The following ONECUT1 variants were observed in gnomAD, a reference collection of about 807,000 sequenced individuals.
ONECUT1 encodes one cut homeobox 1.
In ONECUT1, 12 loss-of-function variants were observed where a neutral mutation model predicts 25.6. That is an observed-to-expected ratio of 0.47 (90% CI 0.30 to 0.76). The LOEUF is 0.76. Among genes scored for constraint, ONECUT1 ranks in the 30% least tolerant of loss-of-function variants. The pLI, the probability that ONECUT1 is intolerant of heterozygous loss-of-function variation, is 0.07. For missense variants in ONECUT1, 620 were observed against 651.2 expected (o/e 0.95, Z 0.52); for synonymous variants, 285 against 270.2 (o/e 1.05, Z -0.54).
At chr15:52,773,931 T>C (rs534574464) in intron 1 of ONECUT1, among the ~76,000 whole-genome samples, 39 of 152,352 alleles carry the variant, frequency 2.6e-4, no homozygotes, top group African/African-American at 8.7e-4. Flanking sequence ...ATATGTTGAA[T>C]AAATGAATGC....
intron 1 of ONECUT1, among the ~76,000 whole-genome samples, chr15:52,763,303 G>A (rs1208776591): frequency 6.6e-6 from 1 of 152,140 alleles, no homozygotes; most frequent in Non-Finnish European, 1.5e-5. Flanking sequence ...TGAGTACCAT[G>A]GAGGAGGTAG....
chr15:52,782,722 G>A (rs2083849216), intron 1 of ONECUT1, among the ~76,000 whole-genome samples: 1 of 152,170 alleles, frequency 6.6e-6, no homozygotes. Context: ...ATTTTACCAA[G>A]AGTGTGGAAA....
intron 1 of ONECUT1, among the ~76,000 whole-genome samples, chr15:52,783,621 C>T (rs1366877703): frequency 6.6e-6 from 1 of 152,210 alleles, no homozygotes; most frequent in East Asian, 1.9e-4. Flanking sequence ...GGGCTGCCTC[C>T]TGACTCCGGT....
intron 1 of ONECUT1, among the ~76,000 whole-genome samples, chr15:52,772,319 G>A (rs1475650456): frequency 2.6e-5 from 4 of 151,632 alleles, no homozygotes; most frequent in Non-Finnish European, 4.4e-5. Flanking sequence ...GCTTGAACCC[G>A]GGATGCAGAG....
chr15:52,773,480 T>A (rs1426091380), intron 1 of ONECUT1, among the ~76,000 whole-genome samples: 1 of 152,114 alleles, frequency 6.6e-6, no homozygotes, highest in Non-Finnish European at 1.5e-5. Context: ...CATATTTGTA[T>A]GTGTGTGTAA....
intron 1 of ONECUT1, among the ~76,000 whole-genome samples, chr15:52,783,721 G>A (rs1440356658): frequency 6.6e-6 from 1 of 152,214 alleles, no homozygotes; most frequent in African/African-American, 2.4e-5. Flanking sequence ...ACTTCGGACC[G>A]CCAGGGTCAC....
rs1263748689 is a variant in ONECUT1, at chr15:52,767,812, G to A, written c.1106-9965C>T. ...CTAAGTGTCCATCAACAGGTGAACG[G>A]ATAAAGAAAATGTGGTAGATATACA... On this transcript the variant is annotated intron_variant, in intron 1 of 1. Coordinates refer to ENST00000305901, the MANE Select transcript of ONECUT1 (RefSeq NM_004498.4). Among the ~76,000 whole-genome samples the A allele has an allele frequency of 2.6e-5, 4 of 152,112 alleles. No homozygotes were observed. In the East Asian group the frequency reaches 7.7e-4, roughly 29 times the overall value.
At position 52,755,366 on chromosome 15, in the gene ONECUT1, C is replaced by T. The variant is rs77404602; in HGVS notation, c.*2189G>A. Among the ~76,000 whole-genome samples, 4 of 152,276 alleles carry T rather than the reference C, an allele frequency of 2.6e-5. No individual in the cohort carries two copies. The East Asian group carries it at 7.7e-4, about 29-fold the overall frequency. ...CTTGAAGGGTGGCCATTTAAATGGTCTCTTTCAATAGCTGAACTATAATTG... is the reference window on the plus strand; with the variant it reads ...CTTGAAGGGTGGCCATTTAAATGGTTTCTTTCAATAGCTGAACTATAATTG... On this transcript the variant is annotated 3_prime_UTR_variant, in exon 2 of 2. Coordinates refer to ENST00000305901, the MANE Select transcript of ONECUT1 (RefSeq NM_004498.4).
chr15:52,763,853 T>A (rs911100930), intron 1 of ONECUT1, among the ~76,000 whole-genome samples: 4 of 152,220 alleles, frequency 2.6e-5, no homozygotes, highest in Non-Finnish European at 5.9e-5. Flanking sequence ...AGTTTGACAT[T>A]GCTGCAACAT....
Position 52,789,859 on chromosome 15 carries a change from G to T in ONECUT1, c.26C>A (p.Ala9Glu), listed in dbSNP as rs2083908173. MNAQLTME[A>E]IGELHGVSHE... ...GCTCACCCCGTGCAGCTCGCCGATC[G>T]CTTCCATGGTCAGCTGCGCGTTCAT... is the stretch of plus-strand genomic sequence containing the variant. The change falls in exon 1 of 2, where the codon GCG becomes GAG. Residue 9 changes from alanine (A) to glutamate (E), a missense_variant. Around this residue, in one of 4 missense-constraint regions of ONECUT1, gnomAD observed 440 missense variants for 404.9 expected, o/e 1.09. Coordinates refer to ENST00000305901, the MANE Select transcript of ONECUT1 (RefSeq NM_004498.4). The surrounding 1 kb of genome is among the most constrained non-coding windows in gnomAD (Gnocchi z 4.1). The T allele has an allele frequency of 1.3e-6, 2 of 1,542,354 alleles. No homozygotes were observed. Among genetic ancestry groups the T allele is most frequent in the African/African-American group, 2.8e-5 (2 of 70,280 alleles).
chr15:52,765,070 T>C (rs992595782), intron 1 of ONECUT1, among the ~76,000 whole-genome samples: 1 of 152,180 alleles, frequency 6.6e-6, no homozygotes, highest in Non-Finnish European at 1.5e-5. Context: ...TCAGGAGAGC[T>C]TGGGGCTTCA....
At chr15:52,783,800 T>C (rs1312826770) in intron 1 of ONECUT1, among the ~76,000 whole-genome samples, 1 of 152,214 alleles carries the variant, frequency 6.6e-6, no homozygotes, top group Non-Finnish European at 1.5e-5. Context: ...GGATACAAAA[T>C]CCAAGTACGC....
rs370525442 is a variant in ONECUT1 at position 52,788,537 on chromosome 15, A to T, written c.1105+243T>A. ...TCCCTGAGCGCAAATGAGCCTCTTC[A>T]GTCGCCGAGGCCCGGCCGCTTAGCT... On this transcript the variant is annotated intron_variant, in intron 1 of 1. Transcript: ENST00000305901. This position sits in a 1 kb window ranked among gnomAD's most constrained non-coding sequence, Gnocchi z 4.3. 127 of 490,422 alleles carry T rather than the reference A, an allele frequency of 2.6e-4. No homozygotes were observed. In the East Asian group the frequency reaches 2.8e-3, roughly 11 times the overall value. The allele number at this position is 490,422 out of a possible 1,614,324, so 30.4% of individuals were successfully genotyped here.
At chr15:52,761,233 ACTC>A (rs1409615119) in intron 1 of ONECUT1, among the ~76,000 whole-genome samples, 2 of 151,260 alleles carry the variant, frequency 1.3e-5, no homozygotes, top group African/African-American at 4.9e-5. Context: ...TTGTTGTTCA[ACTC>A]CTCCTTCTGT....
At chr15:52,773,704 A>T (rs2141455018) in intron 1 of ONECUT1, among the ~76,000 whole-genome samples, 1 of 152,280 alleles carries the variant, frequency 6.6e-6, no homozygotes, top group Admixed American at 6.5e-5. Flanking sequence ...TGATGCCAGA[A>T]AGTTAAAAAA....
At position 52,757,728 on chromosome 15, in the gene ONECUT1, G is replaced by A. The variant is rs776002886; in HGVS notation, c.1225C>T (p.Arg409Cys). The part of the protein sequence containing the change: ...TLHAIFKENK[R>C]PSKELQITIS... ...GTGATTTGCAATTCTTTGGATGGAC[G>A]CTTATTTTCCTTGAATATTGCATGT... is the stretch of plus-strand genomic sequence containing the variant. Residue 409 changes from arginine (R) to cysteine (C), a missense_variant, in exon 2 of 2, where the codon CGT becomes TGT. Transcript: ENST00000305901. The A allele has an allele frequency of 3.7e-6, 6 of 1,614,154 alleles. No individual in the cohort carries two copies. The highest frequency in any genetic ancestry group is 4.2e-6 in the Non-Finnish European group (5 of 1,180,014).
chr15:52,763,798 G>A (rs1476123213), intron 1 of ONECUT1, among the ~76,000 whole-genome samples: 2 of 152,176 alleles, frequency 1.3e-5, no homozygotes, highest in East Asian at 1.9e-4. Flanking sequence ...CTGCAACGAG[G>A]TCAGTAAAAA....
chr15:52,786,643 C>T (rs888536984), intron 1 of ONECUT1, among the ~76,000 whole-genome samples: 1 of 152,248 alleles, frequency 6.6e-6, no homozygotes, highest in Admixed American at 6.5e-5. Flanking sequence ...CAGGCTCCCT[C>T]CCCCTCCACA....
chr15:52,777,642 C>T lies in ONECUT1; in HGVS notation c.1105+11138G>A, dbSNP rs551071217. Reference sequence around the variant, plus strand: ...ATTTCTGTCCCAAGTCCTACTCATCCTCCAGATCTTCAAAATTGTCCCTTC... The same window carrying T: ...ATTTCTGTCCCAAGTCCTACTCATCTTCCAGATCTTCAAAATTGTCCCTTC... On this transcript the variant is annotated intron_variant, in intron 1 of 1. Coordinates refer to ENST00000305901, the MANE Select transcript of ONECUT1 (RefSeq NM_004498.4). Among the ~76,000 whole-genome samples, 44 of 150,370 alleles carry T rather than the reference C, an allele frequency of 2.9e-4. 1 individual carries two copies. Among genetic ancestry groups the T allele is most frequent in the African/African-American group, 1.1e-3 (44 of 40,604 alleles).
Sources: allele counts gnomAD v4.1 joint callset (sites outside exome capture counted in the v4.1 genomes callset), GRCh38; gene constraint gnomAD v4.1.1; regional missense constraint gnomAD v4.1.1; non-coding constraint Gnocchi (gnomAD v3.1); transcripts MANE v1.5; gene names NCBI Gene and HGNC (gene_info 2026-07-23, HGNC 2026-07-21).